The following FRAS1 variants were observed in gnomAD, a reference collection of about 807,000 sequenced individuals.
The protein encoded by FRAS1 is Fraser extracellular matrix complex subunit 1.
In FRAS1, 290 loss-of-function variants were observed where a neutral mutation model predicts 435.2. The observed-to-expected ratio is 0.67, with a 90% CI of 0.61 to 0.73. The LOEUF (loss-of-function observed/expected upper bound fraction) is 0.73. FRAS1 is among the 30% of genes least tolerant of loss of function. The pLI is 0.00. For missense variants in FRAS1, 4,860 were observed against 5,001.5 expected (o/e 0.97, Z 0.85); for synonymous variants, 1,800 against 1,851.0 (o/e 0.97, Z 0.71).
intron 29 of FRAS1, among the ~76,000 whole-genome samples, chr4:78,397,836 T>C (rs1732734036): frequency 6.6e-6 from 1 of 152,180 alleles, no homozygotes; most frequent in Non-Finnish European, 1.5e-5. Context: ...TCAATCTTAC[T>C]TTCCTCTGTA....
At position 78,526,599 on chromosome 4, in the gene FRAS1, C is replaced by A; in HGVS notation, c.10867C>A (p.Gln3623Lys). ...GATCCCTTGCACAGTGCAGCCCACACAGCCATGGGTTGACCCAGGAGAGAA... is the reference window on the plus strand; with the variant it reads ...GATCCCTTGCACAGTGCAGCCCACAAAGCCATGGGTTGACCCAGGAGAGAA... The part of the protein sequence containing the change: ...YLIPCTVQPT[Q>K]PWVDPGEKPL... The change falls in exon 70 of 74, where the codon CAG (glutamine) becomes AAG (lysine). Residue 3623 changes from glutamine to lysine, a missense_variant. Coordinates refer to ENST00000512123, the MANE Select transcript of FRAS1 (RefSeq NM_025074.7). The A allele has an allele frequency of 6.2e-7, 1 of 1,602,502 alleles. No homozygotes were observed. The highest frequency in any genetic ancestry group is 8.5e-7 in the Non-Finnish European group (1 of 1,175,052).
rs1035365525 is a variant in FRAS1, at chr4:78,472,443, T to C, written c.7522+113T>C. On this transcript the variant is annotated intron_variant, in intron 52 of 73. Transcript: ENST00000512123. The stretch of plus-strand genomic sequence containing the variant: ...CAGCTACTTATGCCCAAGTAACCAC[T>C]TTGCAGAGATCTTCTAGTGCTTAAC... 3 of 889,288 alleles carry C rather than the reference T, an allele frequency of 3.4e-6. No individual in the cohort carries two copies. The African/African-American group carries it at 5.1e-5, about 15-fold the overall frequency. 55.1% of individuals were successfully genotyped at this position (889,288 alleles called of 1,614,324 possible).
intron 2 of FRAS1, among the ~76,000 whole-genome samples, chr4:78,169,268 A>G (rs918343908): frequency 1.3e-5 from 2 of 152,130 alleles, no homozygotes; most frequent in African/African-American, 4.8e-5. Context: ...TCTACTTTTC[A>G]TTAACCATAT....
intron 2 of FRAS1, among the ~76,000 whole-genome samples, chr4:78,101,961 A>G (rs1190131315): frequency 6.6e-6 from 1 of 152,212 alleles, no homozygotes. Flanking sequence ...TCTCAAAATA[A>G]CAAATAAAAG....
chr4:78,429,340 C>G, intron 36 of FRAS1, 114 bp downstream of exon 36: 1 of 1,333,584 alleles, frequency 7.5e-7, no homozygotes, highest in African/African-American at 1.5e-5. Context: ...CAGAAGTTGC[C>G]TGCATTCTCA....
chr4:78,120,753 T>C (rs905130131), intron 2 of FRAS1, among the ~76,000 whole-genome samples: 1 of 152,210 alleles, frequency 6.6e-6, no homozygotes, highest in Non-Finnish European at 1.5e-5. Flanking sequence ...CCGTGAATCA[T>C]AGAGTCTTAG....
At chr4:78,480,482 G>C (rs1278964066) in intron 56 of FRAS1, among the ~76,000 whole-genome samples, 2 of 152,206 alleles carry the variant, frequency 1.3e-5, no homozygotes, top group African/African-American at 2.4e-5. Context: ...TGACCTCTGT[G>C]GTCCAGAGGG....
At chr4:78,310,068 A>G (rs7661907) in intron 15 of FRAS1, among the ~76,000 whole-genome samples, 47,869 of 152,046 alleles carry the variant, frequency 0.31, 7,837 homozygotes, top group East Asian at 0.38. Context: ...TATTGCCAGT[A>G]TGAAAAATCT....
chr4:78,124,925 T>C (rs974523862), intron 2 of FRAS1, among the ~76,000 whole-genome samples: 2 of 152,218 alleles, frequency 1.3e-5, no homozygotes, highest in African/African-American at 4.8e-5. Context: ...TATGTTGATC[T>C]TTTCAGAAAA....
intron 22 of FRAS1, among the ~76,000 whole-genome samples, chr4:78,367,288 CCAGCTATATGGGA>C (rs1731308563): frequency 6.6e-6 from 1 of 151,804 alleles, no homozygotes; most frequent in Non-Finnish European, 1.5e-5. Flanking sequence ...GCCTGTGGAC[CCAGCTATATGGGA>C]ATCTGAAGCA....
intron 29 of FRAS1, among the ~76,000 whole-genome samples, chr4:78,388,655 T>C (rs62309930): frequency 2.4e-5 from 3 of 125,794 alleles, no homozygotes; most frequent in Non-Finnish European, 5.1e-5. Context: ...TTTTTTTTTT[T>C]AAATTAGCTG....
chr4:78,525,879 A>G (rs901691388), intron 69 of FRAS1, among the ~76,000 whole-genome samples: 1 of 152,220 alleles, frequency 6.6e-6, no homozygotes. Context: ...CCCCATAAAC[A>G]GGGAAGTCCC....
chr4:78,466,322 C>CA lies in FRAS1; in HGVS notation c.7145dup (p.Asn2383GlufsTer8). On this transcript the variant is annotated frameshift_variant, in exon 50 of 74. Coordinates refer to ENST00000512123, the MANE Select transcript of FRAS1 (RefSeq NM_025074.7). LOFTEE classifies it high-confidence loss of function. ...CACCTTCACCATGAAAGATATCTAC[C>CA]AGAACCGGGTCAGCTACAGCCATGA... The CA allele has an allele frequency of 6.2e-7, 1 of 1,613,864 alleles. No individual in the cohort carries two copies. The highest frequency in any genetic ancestry group is 8.5e-7 in the Non-Finnish European group (1 of 1,179,792).
At chr4:78,219,892 C>G (rs1291785963) in intron 2 of FRAS1, among the ~76,000 whole-genome samples, 1 of 152,090 alleles carries the variant, frequency 6.6e-6, no homozygotes, top group African/African-American at 2.4e-5. Flanking sequence ...AGTACTAATA[C>G]TTTTCTTTTC....
At position 78,429,169 on chromosome 4, in the gene FRAS1, G is replaced by A. The variant is rs1734116727; in HGVS notation, c.4786G>A (p.Val1596Met). The change falls in exon 36 of 74, where the codon GTG (valine) becomes ATG (methionine). Residue 1596 changes from valine (V) to methionine (M), a missense_variant. Coordinates refer to ENST00000512123, the MANE Select transcript of FRAS1 (RefSeq NM_025074.7). ...HLLPSDQQLP[V>M]FQVTAPRLAV... ...ACTTCCCAGTGATCAGCAACTGCCA[G>A]TGTTCCAGGTCACAGCTCCACGGCT... 1 of 1,601,038 alleles carries A rather than the reference G, an allele frequency of 6.2e-7. No homozygotes were observed. The highest frequency in any genetic ancestry group is 8.5e-7 in the Non-Finnish European group (1 of 1,174,022).
Position 78,511,418 on chromosome 4 carries a change from G to T in FRAS1, c.9925G>T (p.Val3309Leu), listed in dbSNP as rs1300577620. 1.2e-6 allele frequency: 2 copies of T among 1,613,860 alleles called. No individual in the cohort carries two copies. Among genetic ancestry groups the T allele is most frequent in the Non-Finnish European group, 1.7e-6 (2 of 1,179,878 alleles). The change falls in exon 64 of 74, where the codon GTG becomes TTG. Residue 3309 changes from valine to leucine, a missense_variant. Transcript: ENST00000512123. Reference sequence around the variant, plus strand: ...CAGTGCTATCTGCCACACACCAGTGGTGGCTGGGACATCCAGAGGCTTCCA... The same window carrying T: ...CAGTGCTATCTGCCACACACCAGTGTTGGCTGGGACATCCAGAGGCTTCCA... ...TDSAICHTPV[V>L]AGTSRGFQAQ...
intron 2 of FRAS1, among the ~76,000 whole-genome samples, chr4:78,169,741 G>T (rs955716722): frequency 6.7e-6 from 1 of 149,734 alleles, no homozygotes; most frequent in African/African-American, 2.5e-5. Context: ...TTATATTAGC[G>T]TCAAATGTTT....
chr4:78,339,135 A>G (rs1730302413), intron 20 of FRAS1, among the ~76,000 whole-genome samples: 1 of 152,200 alleles, frequency 6.6e-6, no homozygotes, highest in African/African-American at 2.4e-5. Context: ...CTGTCTTGGA[A>G]AGTGGGAAAA....
chr4:78,178,793 C>T (rs753590062), intron 2 of FRAS1, among the ~76,000 whole-genome samples: 15 of 152,110 alleles, frequency 9.9e-5, no homozygotes, highest in Non-Finnish European at 2.1e-4. Context: ...TTTGAGGTTC[C>T]AGGTGCACAT....
Sources: gnomAD v4.1 joint callset for allele counts (sites outside exome capture counted in the v4.1 genomes callset) on GRCh38, gnomAD v4.1.1 for gene constraint, MANE v1.5 for transcripts, NCBI Gene and HGNC (gene_info 2026-07-23, HGNC 2026-07-21) for gene names.